Variants in MCTP2 observed in about 807,000 individuals in gnomAD.
The protein encoded by MCTP2 is multiple C2 and transmembrane domain containing 2.
In MCTP2, 132 loss-of-function variants were observed where a neutral mutation model predicts 111.6. The ratio of observed to expected loss-of-function variants is 1.18; its 90% CI spans 1.03 to 1.37. The LOEUF is 1.37. Ranked by LOEUF, MCTP2 falls within the 40% of genes most tolerant of loss-of-function variation. The pLI is 0.00. For synonymous variants in MCTP2, 395 were observed against 387.7 expected, an observed-to-expected ratio of 1.02 and a Z score of -0.22; for missense variants, 1,183 against 1,067.9, an observed-to-expected ratio of 1.11 and a Z score of -1.50.
Position 94,315,515 on chromosome 15 carries a change from C to A in MCTP2, c.529-14C>A. Reference sequence around the variant, plus strand: ...CAAGACATACTGTCTTAACTGCCTTCTCCATCTGTGCAGGTACCGGGGGAA... The same window carrying A: ...CAAGACATACTGTCTTAACTGCCTTATCCATCTGTGCAGGTACCGGGGGAA... On this transcript the variant is annotated splice_polypyrimidine_tract_variant and intron_variant, in intron 3 of 22. Coordinates refer to ENST00000357742, the MANE Select transcript of MCTP2 (RefSeq NM_001385001.1). 2.5e-6 allele frequency: 4 copies of A among 1,599,982 alleles called. No individual in the cohort carries two copies. Among genetic ancestry groups the A allele is most frequent in the Non-Finnish European group, 3.4e-6 (4 of 1,167,298 alleles).
Position 94,399,969 on chromosome 15 carries a change from G to A in MCTP2, c.1939G>A (p.Glu647Lys). Reference protein sequence around the residue: ...TFTPREKRFVEDSRKLSKKIL... With the variant: ...TFTPREKRFVKDSRKLSKKIL... ...TACTCCCCGGGAAAAGCGCTTTGTT[G>A]AAGACAGCCGCAAGCTGTCCAAAAA... The change falls in exon 16 of 23, where the codon GAA becomes AAA. Residue 647 changes from glutamate to lysine, a missense_variant. Glu to Lys is a moderately conservative substitution (Grantham distance 56). Transcript: ENST00000357742. 1 of 1,614,014 alleles carries A rather than the reference G, an allele frequency of 6.2e-7. No homozygotes were observed. The highest frequency in any genetic ancestry group is 8.5e-7 in the Non-Finnish European group (1 of 1,179,908).
intron 12 of MCTP2, among the ~76,000 whole-genome samples, chr15:94,372,718 T>C (rs1364075974): frequency 6.6e-6 from 1 of 152,156 alleles, no homozygotes; most frequent in East Asian, 1.9e-4. Context: ...TCATCTTACT[T>C]TATAAATGAG....
At chr15:94,457,586 T>G (rs763277388) in intron 19 of MCTP2, among the ~76,000 whole-genome samples, 25 of 152,196 alleles carry the variant, frequency 1.6e-4, no homozygotes, top group Admixed American at 1.5e-3. Context: ...CCACAGCTGC[T>G]TGCTTTGTTT....
chr15:94,337,506 A>G (rs903845584), intron 4 of MCTP2, among the ~76,000 whole-genome samples: 6 of 147,588 alleles, frequency 4.1e-5, no homozygotes, highest in Admixed American at 1.4e-4. Context: ...TTTTTTATAT[A>G]TATATATCAG....
At position 94,269,234 on chromosome 15, in the gene MCTP2, A is replaced by G. The variant is rs142748923; in HGVS notation, c.-65-28967A>G. Among the ~76,000 whole-genome samples, 628 of 152,358 alleles carry G rather than the reference A, an allele frequency of 4.1e-3. 2 individuals are homozygous for G. Among genetic ancestry groups the G allele is most frequent in the African/African-American group, 0.014 (575 of 41,574 alleles). The stretch of plus-strand genomic sequence containing the variant: ...GCTCTGTTCAAGTTCACTTTTAAGC[A>G]TGAATCATGAGTTACACAAATCATA... On this transcript the variant is annotated intron_variant, in intron 1 of 22. Transcript: ENST00000357742.
intron 21 of MCTP2, among the ~76,000 whole-genome samples, chr15:94,474,635 G>T (rs559703312): frequency 6.6e-6 from 1 of 152,218 alleles, no homozygotes; most frequent in South Asian, 2.1e-4. Flanking sequence ...GAGGTGGGTG[G>T]ATCACCTGAG....
At position 94,281,524 on chromosome 15, in the gene MCTP2, G is replaced by T. The variant is rs76539252; in HGVS notation, c.-65-16677G>T. ...CTTCTTTATCCAACTTGCCACTCTG[G>T]GTCTTTTAAGTGGGGTATTTAGCTT... On this transcript the variant is annotated intron_variant, in intron 1 of 22. Transcript: ENST00000357742. Among the ~76,000 whole-genome samples, 1,373 of 152,124 alleles carry T rather than the reference G, an allele frequency of 9.0e-3. 16 individuals carry two copies. The highest frequency in any genetic ancestry group is 0.031 in the African/African-American group (1,278 of 41,504).
intron 19 of MCTP2, among the ~76,000 whole-genome samples, chr15:94,452,589 G>A (rs2084530877): frequency 6.6e-6 from 1 of 152,072 alleles, no homozygotes; most frequent in Non-Finnish European, 1.5e-5. Context: ...CATCAAACAA[G>A]TACTGTAGCA....
chr15:94,386,702 G>A (rs900318132), intron 14 of MCTP2, among the ~76,000 whole-genome samples: 5 of 152,078 alleles, frequency 3.3e-5, no homozygotes, highest in Non-Finnish European at 5.9e-5. Flanking sequence ...ACCAGAATGT[G>A]GGGGACACTT....
chr15:94,446,996 G>A (rs1317693064), intron 19 of MCTP2, among the ~76,000 whole-genome samples: 1 of 152,168 alleles, frequency 6.6e-6, no homozygotes, highest in African/African-American at 2.4e-5. Flanking sequence ...GGATACAAAT[G>A]GGTATTGTAT....
chr15:94,241,248 C>G (rs996304655), intron 1 of MCTP2, among the ~76,000 whole-genome samples: 2 of 152,148 alleles, frequency 1.3e-5, no homozygotes, highest in Non-Finnish European at 2.9e-5. Context: ...TCCCTTGAAC[C>G]CTACAATCTG....
intron 1 of MCTP2, among the ~76,000 whole-genome samples, chr15:94,280,633 TA>T (rs2074433438): frequency 6.6e-6 from 1 of 152,128 alleles, no homozygotes; most frequent in Admixed American, 6.6e-5. Flanking sequence ...TTTCTTCTGC[TA>T]ACATTGGGTT....
intron 4 of MCTP2, among the ~76,000 whole-genome samples, chr15:94,334,273 G>T (rs991679536): frequency 4.6e-5 from 7 of 152,104 alleles, no homozygotes; most frequent in African/African-American, 1.7e-4. Context: ...TGAGTAAATG[G>T]CCCAAAGTTA....
In MCTP2 at chr15:94,236,377, C is replaced by CTTTTTTTTTTTT. The variant is rs71132992; in HGVS notation, c.-66+4730_-66+4741dup. Reference sequence around the variant, plus strand: ...TATGATTCAATCCTTTCTTTTTTTTCTTTTTTTTTTTTTTTTTTTTTTTTT... The same window carrying CTTTTTTTTTTTT: ...TATGATTCAATCCTTTCTTTTTTTTCTTTTTTTTTTTTTTTTTTTTTTTTTTTTTTTTTTTTT... On this transcript the variant is annotated intron_variant, in intron 1 of 22. Transcript: ENST00000357742. Among the ~76,000 whole-genome samples, 90 of 72,512 alleles carry CTTTTTTTTTTTT rather than the reference C, an allele frequency of 1.2e-3. 4 individuals carry two copies. Among genetic ancestry groups the CTTTTTTTTTTTT allele is most frequent in the African/African-American group, 1.7e-3 (32 of 19,030 alleles). The allele number at this position is 72,512 out of a possible 152,430, so 47.6% of individuals were successfully genotyped here.
chr15:94,240,789 G>A (rs1278623913), intron 1 of MCTP2, among the ~76,000 whole-genome samples: 2 of 152,158 alleles, frequency 1.3e-5, no homozygotes, highest in African/African-American at 4.8e-5. Context: ...AACGAAGCTA[G>A]CAATCACATC....
rs111728879 is a variant in MCTP2 at position 94,306,545 on chromosome 15, A to G, written c.466-7737A>G. ...GGAGAGCTCAGATCTGGAGATAAAA[A>G]AAGTTGATCACAAAAGGAAGACATT... is the stretch of plus-strand genomic sequence containing the variant. On this transcript the variant is annotated intron_variant, in intron 2 of 22. Coordinates refer to ENST00000357742, the MANE Select transcript of MCTP2 (RefSeq NM_001385001.1). 3.2e-3 allele frequency among the ~76,000 whole-genome samples: 488 copies of G among 152,342 alleles called. 3 individuals carry two copies. Among genetic ancestry groups the G allele is most frequent in the Middle Eastern group, 0.01 (3 of 294 alleles).
chr15:94,396,001 G>A (rs1045870652), intron 14 of MCTP2, among the ~76,000 whole-genome samples: 1 of 152,122 alleles, frequency 6.6e-6, no homozygotes, highest in African/African-American at 2.4e-5. Context: ...AGTTAAATCT[G>A]TTATTACTGT....
intron 22 of MCTP2, among the ~76,000 whole-genome samples, chr15:94,477,668 G>T (rs951483092): frequency 5.3e-5 from 8 of 152,134 alleles, no homozygotes; most frequent in African/African-American, 1.7e-4. Flanking sequence ...TAGCATAATT[G>T]GTTCCCTGGC....
intron 1 of MCTP2, among the ~76,000 whole-genome samples, chr15:94,238,743 C>T (rs1233737981): frequency 1.3e-5 from 2 of 152,060 alleles, no homozygotes; most frequent in African/African-American, 4.8e-5. Flanking sequence ...ATCCAAAGTG[C>T]CACCTAGGCC....
Sources: allele counts gnomAD v4.1 joint callset (sites outside exome capture counted in the v4.1 genomes callset), GRCh38; gene constraint gnomAD v4.1.1; transcripts MANE v1.5; gene names NCBI Gene and HGNC (gene_info 2026-07-23, HGNC 2026-07-21).